The following ZNF568 variants were observed in gnomAD, a reference collection of about 807,000 sequenced individuals.
ZNF568 encodes zinc finger protein 568.
ZNF568 carries 11 observed loss-of-function variants against 18.1 expected under a neutral mutation model. That is an observed-to-expected ratio of 0.61 (90% confidence interval 0.38 to 1.00). The LOEUF (loss-of-function observed/expected upper bound fraction) is 1.00. Ranked by LOEUF, ZNF568 falls within the 50% of genes least tolerant of loss-of-function variation. The pLI is 0.01. For missense variants in ZNF568, 639 were observed against 768.2 expected, an observed-to-expected ratio of 0.83 and a Z score of 1.99; for synonymous variants, 213 against 246.6, an observed-to-expected ratio of 0.86 and a Z score of 1.28.
intron 6 of ZNF568, among the ~76,000 whole-genome samples, chr19:36,971,058 C>T (rs989513291): frequency 4.6e-5 from 7 of 151,926 alleles, no homozygotes; most frequent in Admixed American, 1.3e-4. Context: ...GCCTGGCCAA[C>T]GTGATGAAAC....
chr19:36,937,287 G>A, intron 6 of ZNF568, 45 bp downstream of exon 6: 1 of 1,520,660 alleles, frequency 6.6e-7, no homozygotes, highest in South Asian at 1.1e-5. Context: ...CCACATGAGA[G>A]TTGTTCAGTG....
intron 7 of ZNF568, among the ~76,000 whole-genome samples, chr19:36,977,494 A>C (rs983683245): frequency 2.0e-5 from 3 of 152,234 alleles, no homozygotes; most frequent in African/African-American, 7.2e-5. Context: ...CTCAAGAATT[A>C]CTTTCACTCT....
chr19:36,933,707 G>C (rs998579339), intron 4 of ZNF568, among the ~76,000 whole-genome samples: 52 of 146,740 alleles, frequency 3.5e-4, no homozygotes, highest in Non-Finnish European at 1.5e-5. Flanking sequence ...GGGGTGGTGC[G>C]TGTGTGTGTG....
chr19:36,960,179 G>A (rs1199239862), intron 6 of ZNF568, among the ~76,000 whole-genome samples: 2 of 140,924 alleles, frequency 1.4e-5, no homozygotes, highest in Non-Finnish European at 3.0e-5. Context: ...GTGCAATGGT[G>A]TAATCTTGGC....
intron 3 of ZNF568, among the ~76,000 whole-genome samples, chr19:36,923,361 T>C (rs557759196): frequency 3.0e-4 from 45 of 152,212 alleles, no homozygotes; most frequent in African/African-American, 1.0e-3. Context: ...TAATATGGTA[T>C]TATTTTTTGG....
chr19:36,917,232 T>A (rs936749898), intron 1 of ZNF568, among the ~76,000 whole-genome samples: 5 of 152,188 alleles, frequency 3.3e-5, no homozygotes, highest in Admixed American at 6.5e-5. Context: ...TTTCAGGGTC[T>A]CAGGCCAAAA....
chr19:36,991,191 G>A, exon 3 of ZNF568: 18 of 1,535,836 alleles, frequency 1.2e-5, no homozygotes, highest in Non-Finnish European at 1.6e-5. Flanking sequence ...GAAGTTCAAA[G>A]ATGTGGTCAT....
At chr19:36,979,211 G>C (rs7257126) in exon 8 of ZNF568, 60,270 of 187,738 alleles carry the variant, frequency 0.32, 10,012 homozygotes, top group Non-Finnish European at 0.36. Context: ...TCAAACTCCC[G>C]ACCTCAGGTG....
chr19:36,993,557 C>T (rs1322275426), intron 4 of ZNF568, among the ~76,000 whole-genome samples: 4 of 151,984 alleles, frequency 2.6e-5, no homozygotes, highest in Non-Finnish European at 5.9e-5. Context: ...GATTTTTTTG[C>T]TCTAATTCAG....
chr19:36,933,841 G>T (rs2073730505), intron 4 of ZNF568, among the ~76,000 whole-genome samples: 1 of 140,628 alleles, frequency 7.1e-6, no homozygotes, highest in Non-Finnish European at 1.5e-5. Context: ...TAATTTTTTT[G>T]TTGTTTGTTA....
rs557453234 is a variant in ZNF568 at position 36,918,741 on chromosome 19, CTCT to C, written c.-186+1101_-186+1103del. On this transcript the variant is annotated intron_variant, in intron 2 of 6. Coordinates refer to ENST00000333987, the MANE Select transcript of ZNF568 (RefSeq NM_198539.4). ...CCGTCACCACCATCCAGCCAGAGAA[CTCT>C]TCTTCTTGCAAAACAGAAACCCAGT... Among the ~76,000 whole-genome samples, 76 of 152,312 alleles carry C rather than the reference CTCT, an allele frequency of 5.0e-4. 1 individual carries two copies. In the South Asian group the frequency reaches 5.4e-3, roughly 11 times the overall value.
intron 6 of ZNF568, among the ~76,000 whole-genome samples, chr19:36,959,212 T>C (rs2074130276): frequency 6.6e-6 from 1 of 152,134 alleles, no homozygotes; most frequent in African/African-American, 2.4e-5. Context: ...CTTGTTGAAG[T>C]TTTTATTGTG....
intron 6 of ZNF568, among the ~76,000 whole-genome samples, chr19:36,948,448 CAT>C (rs2074000260): frequency 6.6e-6 from 1 of 152,126 alleles, no homozygotes; most frequent in African/African-American, 2.4e-5. Context: ...TTTGTATGGA[CAT>C]ATGTTTTCAA....
chr19:36,965,704 CTTT>C (rs34377774), intron 6 of ZNF568, among the ~76,000 whole-genome samples: 2 of 119,688 alleles, frequency 1.7e-5, no homozygotes, highest in Non-Finnish European at 1.7e-5. Flanking sequence ...TGATCAAGGA[CTTT>C]TTTTTTTTTT....
chr19:36,989,600 A>T (rs758519965), intron 2 of ZNF568, among the ~76,000 whole-genome samples: 9 of 152,078 alleles, frequency 5.9e-5, no homozygotes, highest in Admixed American at 2.0e-4. Context: ...GTCACCCAGG[A>T]TGGAGTGCAG....
In ZNF568 at chr19:36,925,199, G is replaced by T. The variant is rs2146271284; in HGVS notation, c.77-1G>T. The T allele has an allele frequency of 6.2e-7, 1 of 1,613,996 alleles. No homozygotes were observed. The highest frequency in any genetic ancestry group is 8.5e-7 in the Non-Finnish European group (1 of 1,179,910). On this transcript the variant is annotated splice_acceptor_variant, in intron 3 of 6. Coordinates refer to ENST00000333987, the MANE Select transcript of ZNF568 (RefSeq NM_198539.4). LOFTEE classifies it high-confidence loss of function. ...AATCTGTTTCATTTCTCTTCCCTCA[G>T]CTTGGTGTTCTCAAGAGTCTGCCCT...
At chr19:36,997,528 C>A, downstream of ZNF568, 1 of 1,589,076 alleles carries the variant, frequency 6.3e-7, no homozygotes, top group South Asian at 1.1e-5. Flanking sequence ...TGAGAGAAGT[C>A]ACACTGGTGA....
At position 36,949,683 on chromosome 19, in the gene ZNF568, A is replaced by ACAAAG; in HGVS notation, c.531_532insAAAGC (p.Cys178LysfsTer14). The ACAAAG allele has an allele frequency of 6.2e-7, 1 of 1,613,750 alleles. No homozygotes were observed. Among genetic ancestry groups the ACAAAG allele is most frequent in the South Asian group, 1.1e-5 (1 of 91,006 alleles). ...GTTACTTCAAGACAAAGCTTCTATG[A>ACAAAG]CTGTGACTCACTTGATAAGGGTTTG... On this transcript the variant is annotated frameshift_variant, in exon 7 of 7. Coordinates refer to ENST00000333987, the MANE Select transcript of ZNF568 (RefSeq NM_198539.4). LOFTEE classifies it low-confidence loss of function (END_TRUNC).
chr19:36,991,087 TA>T (rs1449865884), intron 2 of ZNF568: 2 of 1,373,724 alleles, frequency 1.5e-6, no homozygotes, highest in African/African-American at 2.9e-5. Flanking sequence ...GGAACTTCCC[TA>T]TTGAATTGCT....
Sources: gnomAD v4.1 joint callset for allele counts (sites outside exome capture counted in the v4.1 genomes callset) on GRCh38, gnomAD v4.1.1 for gene constraint, MANE v1.5 for transcripts, NCBI Gene and HGNC (gene_info 2026-07-23, HGNC 2026-07-21) for gene names.